Variants in ZC3H12B observed in about 807,000 individuals in gnomAD.
ZC3H12B encodes probable ribonuclease ZC3H12B.
ZC3H12B carries 7 observed loss-of-function variants against 43.9 expected under a neutral mutation model. The observed-to-expected ratio is 0.16, with a 90% CI of 0.09 to 0.30. ZC3H12B has a LOEUF of 0.30. ZC3H12B is among the 10% of genes least tolerant of loss of function. The probability of loss-of-function intolerance (pLI) is 1.00; values close to 1 mark genes in which losing one functional copy is unlikely to be tolerated. For missense variants in ZC3H12B, 475 were observed against 670.2 expected (o/e 0.71, Z 3.22); for synonymous variants, 222 against 241.7 (o/e 0.92, Z 0.76).
At chrX:65,389,109 G>T (rs1053278305) in intron 2 of ZC3H12B, among the ~76,000 whole-genome samples, 18 of 112,339 alleles carry the variant, frequency 1.6e-4, no homozygotes, top group African/African-American at 5.2e-4. Context: ...GAGGCAGTCT[G>T]TCCGTTCTCG....
chrX:65,151,801 T>A, the ZC3H12B span, among the ~76,000 whole-genome samples: 2 of 111,308 alleles, frequency 1.8e-5, no homozygotes, highest in East Asian at 5.6e-4. Context: ...TTGACCAATA[T>A]CCTTGATGAA....
At chrX:65,419,165 A>T in intron 3 of ZC3H12B, among the ~76,000 whole-genome samples, 1 of 111,455 alleles carries the variant, frequency 9.0e-6, no homozygotes, top group East Asian at 2.8e-4. Flanking sequence ...GAATAGACAT[A>T]CTCAGCAGCT....
At chrX:65,230,195 C>T in the ZC3H12B span, among the ~76,000 whole-genome samples, 2 of 111,504 alleles carry the variant, frequency 1.8e-5, no homozygotes, top group Admixed American at 1.9e-4. Context: ...CCATGGAATA[C>T]TATGTAGCCA....
At chrX:65,187,691 A>G in the ZC3H12B span, among the ~76,000 whole-genome samples, 4 of 107,048 alleles carry the variant, frequency 3.7e-5, no homozygotes, top group African/African-American at 1.4e-4. Context: ...GGTACGTAGT[A>G]GGTATACATA....
At chrX:65,150,648 T>A in the ZC3H12B span, among the ~76,000 whole-genome samples, 1 of 111,737 alleles carries the variant, frequency 8.9e-6, no homozygotes, top group Non-Finnish European at 1.9e-5. Context: ...TTCATCCATG[T>A]CCCTGCAAAG....
At chrX:65,188,953 C>A in the ZC3H12B span, among the ~76,000 whole-genome samples, 1 of 72,999 alleles carries the variant, frequency 1.4e-5, no homozygotes, top group Admixed American at 1.7e-4. Flanking sequence ...CCCCTCCCCC[C>A]ACCCCACCAC....
the ZC3H12B span, among the ~76,000 whole-genome samples, chrX:65,251,944 T>A: frequency 8.9e-6 from 1 of 111,880 alleles, no homozygotes; most frequent in East Asian, 2.8e-4. Flanking sequence ...TCCTTCCTGA[T>A]TGCCCTGGCC....
the ZC3H12B span, among the ~76,000 whole-genome samples, chrX:65,191,997 T>G: frequency 2.5e-4 from 27 of 109,386 alleles, no homozygotes; most frequent in Non-Finnish European, 4.2e-4. Flanking sequence ...TCTGGTATGT[T>G]GTGTCTTTGT....
intron 3 of ZC3H12B, among the ~76,000 whole-genome samples, chrX:65,483,471 C>T (rs1174093640): frequency 2.7e-5 from 3 of 111,618 alleles, no homozygotes; most frequent in Non-Finnish European, 5.7e-5. Context: ...AACTCTTTTG[C>T]CTCCAAAGTA....
chrX:65,170,668 C>T, the ZC3H12B span, among the ~76,000 whole-genome samples: 1 of 111,944 alleles, frequency 8.9e-6, no homozygotes, highest in Admixed American at 9.5e-5. Context: ...CTTTCAGGTA[C>T]ACCAATGAGA....
chrX:65,488,767 G>T (rs1192151141), exon 1 of ZC3H12B: 3 of 1,114,639 alleles, frequency 2.7e-6, no homozygotes, highest in East Asian at 3.3e-5. Context: ...AAAAGAAAAA[G>T]AACTGATTAG....
the ZC3H12B span, among the ~76,000 whole-genome samples, chrX:65,293,913 C>T: frequency 9.0e-6 from 1 of 111,696 alleles, no homozygotes; most frequent in African/African-American, 3.2e-5. Flanking sequence ...AGAAAGATAA[C>T]AGTTTGGAAA....
chrX:65,186,121 A>G, the ZC3H12B span: 27 of 111,678 alleles, frequency 2.4e-4, no homozygotes, highest in Middle Eastern at 0.023. Flanking sequence ...GTACCAAATT[A>G]TTACTCTTTG....
At chrX:65,265,150 A>G in the ZC3H12B span, among the ~76,000 whole-genome samples, 2 of 112,025 alleles carry the variant, frequency 1.8e-5, no homozygotes, top group Non-Finnish European at 3.8e-5. Context: ...TTATCTTCTG[A>G]CGTAAGTAAT....
At chrX:65,181,526 A>G in the ZC3H12B span, among the ~76,000 whole-genome samples, 1 of 112,006 alleles carries the variant, frequency 8.9e-6, no homozygotes. Flanking sequence ...TCTAATATCC[A>G]GTATCTACAA....
chrX:65,287,613 G>A, the ZC3H12B span, among the ~76,000 whole-genome samples: 1 of 110,327 alleles, frequency 9.1e-6, no homozygotes, highest in African/African-American at 3.3e-5. Flanking sequence ...GAAATTCCTT[G>A]AAACAAATGA....
At chrX:65,074,247 G>T in the ZC3H12B span, among the ~76,000 whole-genome samples, 1 of 108,982 alleles carries the variant, frequency 9.2e-6, no homozygotes, top group Non-Finnish European at 1.9e-5. Flanking sequence ...AGTTTTTCTG[G>T]ATATAATGTT....
the ZC3H12B span, among the ~76,000 whole-genome samples, chrX:65,167,671 A>G: frequency 8.9e-6 from 1 of 112,040 alleles, no homozygotes; most frequent in Non-Finnish European, 1.9e-5. Flanking sequence ...CTTACTATCC[A>G]TGAGCATGGG....
chrX:65,414,231 A>G (rs942299044), intron 3 of ZC3H12B, among the ~76,000 whole-genome samples: 1 of 110,079 alleles, frequency 9.1e-6, no homozygotes, highest in Non-Finnish European at 1.9e-5. Flanking sequence ...GGCCTCATAG[A>G]ATACATTGGG....
Sources: allele counts gnomAD v4.1 joint callset (sites outside exome capture counted in the v4.1 genomes callset), GRCh38; gene constraint gnomAD v4.1.1; transcripts MANE v1.5; gene names NCBI Gene and HGNC (gene_info 2026-07-23, HGNC 2026-07-21).